Variants in LINGO1 observed in about 807,000 individuals in gnomAD.
LINGO1 encodes leucine rich repeat and Ig domain containing 1.
Under a neutral mutation model 37.3 loss-of-function variants are expected in LINGO1, and 11 were observed. The ratio of observed to expected loss-of-function variants is 0.29; its 90% CI spans 0.19 to 0.49. The LOEUF (loss-of-function observed/expected upper bound fraction) is 0.49, where lower values mean the gene tolerates loss of function less well. LINGO1 is among the 20% of genes least tolerant of loss of function. The probability of loss-of-function intolerance (pLI) is 0.99; values close to 1 mark genes in which losing one functional copy is unlikely to be tolerated. For missense variants in LINGO1, 585 were observed against 878.2 expected (o/e 0.67, Z 4.22); for synonymous variants, 387 against 403.0 (o/e 0.96, Z 0.48).
intron 1 of LINGO1, among the ~76,000 whole-genome samples, chr15:77,785,232 C>A (rs1457952947): frequency 6.6e-6 from 1 of 152,208 alleles, no homozygotes; most frequent in Non-Finnish European, 1.5e-5. Context: ...TCTCAGCCCA[C>A]TGCAGACCCC....
chr15:77,721,383 C>T (rs547937757), intron 2 of LINGO1, among the ~76,000 whole-genome samples: 23 of 152,250 alleles, frequency 1.5e-4, no homozygotes, highest in Admixed American at 4.6e-4. Flanking sequence ...CTCACACATT[C>T]ATCCTGCAGT....
At chr15:77,818,346 C>T (rs995010029) in intron 1 of LINGO1, among the ~76,000 whole-genome samples, 16 of 152,220 alleles carry the variant, frequency 1.1e-4, no homozygotes, top group Admixed American at 1.0e-3. Context: ...TGGGTTGGCA[C>T]TTAGGGGTGT....
chr15:77,654,292 G>C (rs1194131231), intron 3 of LINGO1, among the ~76,000 whole-genome samples: 2 of 152,196 alleles, frequency 1.3e-5, no homozygotes, highest in Non-Finnish European at 2.9e-5. Flanking sequence ...GCAAAACCTA[G>C]CCTAGCCTGA....
chr15:77,667,914 T>A (rs1295302383), intron 3 of LINGO1: 1 of 152,278 alleles, frequency 6.6e-6, no homozygotes, highest in African/African-American at 2.4e-5. Flanking sequence ...CTGGGCAGAG[T>A]TCTCTCCACT....
At chr15:77,721,044 G>A (rs1451312045) in intron 2 of LINGO1, among the ~76,000 whole-genome samples, 3 of 152,024 alleles carry the variant, frequency 2.0e-5, no homozygotes, top group South Asian at 2.1e-4. Flanking sequence ...CTGAGCCACC[G>A]CCCCTCCTGC....
At position 77,629,653 on chromosome 15, in the gene LINGO1, G is replaced by A. The variant is rs1262809059; in HGVS notation, c.6+2657C>T. Reference sequence around the variant, plus strand: ...CATTCATGCACAGATAGTCCTTGCCGCTAGCCAATAGCTACTCCCTTGTAC... The same window carrying A: ...CATTCATGCACAGATAGTCCTTGCCACTAGCCAATAGCTACTCCCTTGTAC... On this transcript the variant is annotated intron_variant, in intron 1 of 1. Transcript: ENST00000355300. Among the ~76,000 whole-genome samples, 2 of 152,150 alleles carry A rather than the reference G, an allele frequency of 1.3e-5. 1 individual carries two copies. Among genetic ancestry groups the A allele is most frequent in the Non-Finnish European group, 2.9e-5 (2 of 68,042 alleles).
chr15:77,691,823 G>A (rs892845704), intron 1 of LINGO1, among the ~76,000 whole-genome samples: 8 of 152,126 alleles, frequency 5.3e-5, no homozygotes, highest in East Asian at 1.9e-4. Flanking sequence ...TAATGTTTTC[G>A]TGACAATAAC....
intron 1 of LINGO1, among the ~76,000 whole-genome samples, chr15:77,807,681 GGAA>G (rs1185453591): frequency 6.6e-6 from 1 of 152,140 alleles, no homozygotes; most frequent in Non-Finnish European, 1.5e-5. Flanking sequence ...GGGAAAGAAA[GGAA>G]GAAGAAAATC....
At chr15:77,717,471 C>T (rs1291052095) in intron 2 of LINGO1, among the ~76,000 whole-genome samples, 2 of 150,730 alleles carry the variant, frequency 1.3e-5, no homozygotes, top group African/African-American at 4.8e-5. Context: ...AACTGGCACC[C>T]CAGCCCTGCT....
chr15:77,614,014 G>C lies in LINGO1; in HGVS notation c.*30C>G. Reference sequence around the variant, plus strand: ...GCCAGGCCCCTTCCCCTGCCCGGCCGCCCGGGGGTCCCTGCCCCCCGCCCC... The same window carrying C: ...GCCAGGCCCCTTCCCCTGCCCGGCCCCCCGGGGGTCCCTGCCCCCCGCCCC... On this transcript the variant is annotated 3_prime_UTR_variant, in exon 2 of 2. Transcript: ENST00000355300. 6.5e-7 allele frequency: 1 copy of C among 1,534,388 alleles called. No individual in the cohort carries two copies. The highest frequency in any genetic ancestry group is 2.0e-5 in the Admixed American group (1 of 50,042).
At chr15:77,798,019 T>C (rs1418774091) in intron 1 of LINGO1, among the ~76,000 whole-genome samples, 3 of 152,076 alleles carry the variant, frequency 2.0e-5, no homozygotes, top group Non-Finnish European at 4.4e-5. Flanking sequence ...GGCTTTCCAA[T>C]CCTGACAACA....
intron 2 of LINGO1, among the ~76,000 whole-genome samples, chr15:77,682,277 A>AGTGTGTGTGT (rs10581838): frequency 0.03 from 4,240 of 139,850 alleles, 226 homozygotes; most frequent in African/African-American, 0.11. Context: ...TAGAGATTAA[A>AGTGTGTGTGT]GTGTGTGTGT....
At position 77,740,631 on chromosome 15, in the gene LINGO1, G is replaced by A. The variant is rs572093876; in HGVS notation, c.-256-5578C>T. On this transcript the variant is annotated intron_variant, in intron 1 of 3. Coordinates refer to the LINGO1 transcript ENST00000561686. The stretch of plus-strand genomic sequence containing the variant: ...AGACAGCAACTGGAAGCACCCTCAG[G>A]AGGTTTTGACTCCAATCAGCGAGGG... 4.6e-5 allele frequency among the ~76,000 whole-genome samples: 7 copies of A among 152,282 alleles called. No individual in the cohort carries two copies. In the South Asian group the frequency reaches 1.5e-3, roughly 32 times the overall value.
At chr15:77,726,630 A>G (rs2076105044) in intron 2 of LINGO1, among the ~76,000 whole-genome samples, 1 of 152,236 alleles carries the variant, frequency 6.6e-6, no homozygotes, top group Non-Finnish European at 1.5e-5. Flanking sequence ...AAAACCTGAA[A>G]CTATACCACT....
rs556792101 is a variant in LINGO1, at chr15:77,650,546, C to T, written c.-13+26543G>A. 2.3e-4 allele frequency among the ~76,000 whole-genome samples: 35 copies of T among 152,272 alleles called. No homozygotes were observed. In the South Asian group the frequency reaches 7.1e-3, roughly 31 times the overall value. The stretch of plus-strand genomic sequence containing the variant: ...AGTCAGCCCATCAGAACCCAGAGGC[C>T]AGGGCTGGGTTCAATCTAGGCAGGA... On this transcript the variant is annotated intron_variant, in intron 3 of 3. Transcript: ENST00000559893.
At position 77,615,724 on chromosome 15, in the gene LINGO1, G is replaced by C. The variant is rs1453152455; in HGVS notation, c.183C>G (p.Arg61=). ...GGATGCCCTCGGGGACTGCCACAAA[G>C]CGCTTGCGGTGGCACAGCACAGCGC... ...QDRAVLCHRK[R]FVAVPEGIPT... The change falls in exon 2 of 2, where the codon CGC becomes CGG. Residue 61 remains arginine, a synonymous_variant. Coordinates refer to ENST00000355300, the MANE Select transcript of LINGO1 (RefSeq NM_032808.7). 3.1e-6 allele frequency: 5 copies of C among 1,597,400 alleles called. No homozygotes were observed. The highest frequency in any genetic ancestry group is 1.3e-5 in the African/African-American group (1 of 74,564).
At chr15:77,735,358 C>A (rs1473622695) in intron 1 of LINGO1, among the ~76,000 whole-genome samples, 1 of 152,248 alleles carries the variant, frequency 6.6e-6, no homozygotes. Flanking sequence ...GCGCAGCCCC[C>A]ACCTATCCAA....
upstream of LINGO1, among the ~76,000 whole-genome samples, chr15:77,699,772 C>CACCTGCATACAGTAAGCACAT (rs1482949650): frequency 7.3e-5 from 11 of 150,346 alleles, no homozygotes; most frequent in Non-Finnish European, 7.4e-5. Flanking sequence ...TACTAACCAT[C>CACCTGCATACAGTAAGCACAT]ATTCCCCCCC....
chr15:77,766,314 A>C (rs1397693125), intron 1 of LINGO1, among the ~76,000 whole-genome samples: 4 of 150,858 alleles, frequency 2.7e-5, no homozygotes, highest in African/African-American at 4.9e-5. Flanking sequence ...AAAAAAAAAA[A>C]AAACACACAA....
Sources: allele counts gnomAD v4.1 joint callset (sites outside exome capture counted in the v4.1 genomes callset), GRCh38; gene constraint gnomAD v4.1.1; transcripts MANE v1.5; gene names NCBI Gene and HGNC (gene_info 2026-07-23, HGNC 2026-07-21).